Variants in NUP214 observed in about 807,000 individuals in gnomAD.
NUP214 encodes nuclear pore complex protein Nup214.
A neutral mutation model predicts 196.2 loss-of-function variants in NUP214; 79 were observed. The ratio of observed to expected loss-of-function variants is 0.40; its 90% confidence interval spans 0.34 to 0.49. NUP214 has a LOEUF of 0.49. NUP214 is among the 20% of genes least tolerant of loss of function. NUP214 has a pLI of 0.58. For missense variants in NUP214, 2,468 were observed against 2,539.0 expected, an observed-to-expected ratio of 0.97 and a Z score of 0.60; for synonymous variants, 1,020 against 990.5, an observed-to-expected ratio of 1.03 and a Z score of -0.56.
chr9:131,228,133 C>G, intron 32 of NUP214, 27 bp from the exon 33 acceptor site: 2 of 1,528,802 alleles, frequency 1.3e-6, no homozygotes, highest in Non-Finnish European at 1.8e-6. Flanking sequence ...CTCCCTATTT[C>G]TGTTTGTTTG....
rs147780952 is a variant in NUP214, at chr9:131,154,350, A to G, written c.2436+2456A>G. Among the ~76,000 whole-genome samples, 12 of 152,130 alleles carry G rather than the reference A, an allele frequency of 7.9e-5. No individual in the cohort carries two copies. In the East Asian group the frequency reaches 1.7e-3, roughly 22 times the overall value. On this transcript the variant is annotated intron_variant, in intron 17 of 35. Coordinates refer to ENST00000359428, the MANE Select transcript of NUP214 (RefSeq NM_005085.4). ...TCCAAGCAGTGTACACTGTACCCCA[A>G]TGTGTAGTATTTTAGCCCTTACCGC...
At chr9:131,231,231 T>C (rs908814080) in intron 34 of NUP214, among the ~76,000 whole-genome samples, 2 of 152,132 alleles carry the variant, frequency 1.3e-5, no homozygotes, top group Non-Finnish European at 1.5e-5. Context: ...CTCGCTCTGT[T>C]GCCCAGGATG....
At chr9:131,176,166 CACAA>C (rs1007422257) in intron 23 of NUP214, among the ~76,000 whole-genome samples, 7 of 152,024 alleles carry the variant, frequency 4.6e-5, no homozygotes, top group African/African-American at 9.7e-5. Context: ...ACAAAACAAA[CACAA>C]ACAAACAAAA....
chr9:131,129,257 T>C, intron 3 of NUP214, 22 bp from the exon 4 acceptor site: 4 of 1,602,926 alleles, frequency 2.5e-6, no homozygotes, highest in Non-Finnish European at 3.4e-6. Context: ...CTTATTTCAC[T>C]TTTGCATATT....
intron 28 of NUP214, among the ~76,000 whole-genome samples, chr9:131,195,833 C>G (rs1833759573): frequency 6.6e-6 from 1 of 152,130 alleles, no homozygotes; most frequent in Non-Finnish European, 1.5e-5. Context: ...CAAGACCAGC[C>G]TGACCAACAT....
At chr9:131,189,198 G>A in intron 26 of NUP214, 67 bp downstream of exon 26, 1 of 1,261,620 alleles carries the variant, frequency 7.9e-7, no homozygotes, top group Non-Finnish European at 1.2e-6. Flanking sequence ...TATTGTTCTG[G>A]ATCACTGAGA....
At chr9:131,200,737 G>C (rs1833917576) in intron 29 of NUP214, among the ~76,000 whole-genome samples, 1 of 151,900 alleles carries the variant, frequency 6.6e-6, no homozygotes, top group Non-Finnish European at 1.5e-5. Flanking sequence ...AACGAGAGTA[G>C]AACTCCTGCC....
intron 5 of NUP214, 37 bp downstream of exon 5, chr9:131,130,873 G>A: frequency 6.3e-7 from 1 of 1,578,128 alleles, no homozygotes; most frequent in Non-Finnish European, 8.7e-7. Flanking sequence ...TTTTTCTTAA[G>A]TTGCCCACTT....
At chr9:131,214,943 A>G (rs746130222) in intron 30 of NUP214, among the ~76,000 whole-genome samples, 38 of 152,202 alleles carry the variant, frequency 2.5e-4, no homozygotes, top group Non-Finnish European at 4.3e-4. Flanking sequence ...CACTGCGGGC[A>G]GTGTAGCAGA....
At chr9:131,217,834 G>A (rs963517728) in intron 31 of NUP214, among the ~76,000 whole-genome samples, 1 of 152,226 alleles carries the variant, frequency 6.6e-6, no homozygotes, top group African/African-American at 2.4e-5. Context: ...GACTGTCAAG[G>A]AGTTGCCTTC....
In NUP214 at chr9:131,197,362, G is replaced by T; in HGVS notation, c.3868G>T (p.Ala1290Ser). Residue 1290 changes from alanine (A) to serine (S), a missense_variant, in exon 29 of 36, where the codon GCA becomes TCA. Transcript: ENST00000359428. ...AAACACCACCCCAGGAGAACCTGCC[G>T]CATCTAGCAGCAGACCTGTGGCACC... ...ASNTTPGEPA[A>S]SSSRPVAPSG... The T allele has an allele frequency of 1.9e-6, 3 of 1,614,130 alleles. No homozygotes were observed. Among genetic ancestry groups the T allele is most frequent in the South Asian group, 2.2e-5 (2 of 91,084 alleles).
chr9:131,190,027 A>C (rs1833554985), intron 26 of NUP214: 1 of 174,532 alleles, frequency 5.7e-6, no homozygotes, highest in Admixed American at 6.3e-5. Flanking sequence ...CTGTAATCCC[A>C]AACTTTCTGA....
chr9:131,228,107 G>A (rs532373411), intron 32 of NUP214, 53 bp from the exon 33 acceptor site: 3 of 1,468,476 alleles, frequency 2.0e-6, no homozygotes, highest in Admixed American at 5.2e-5. Context: ...TTCTCTTCCT[G>A]TCTCCTCCTT....
In NUP214 at chr9:131,198,779, C is replaced by T. The variant is rs772115139; in HGVS notation, c.5285C>T (p.Ser1762Phe). 2.5e-6 allele frequency: 4 copies of T among 1,614,264 alleles called. No individual in the cohort carries two copies. The highest frequency in any genetic ancestry group is 1.7e-5 in the Admixed American group (1 of 60,034). Residue 1762 changes from serine to phenylalanine, a missense_variant, in exon 29 of 36, where the codon TCC (serine) becomes TTC (phenylalanine). Around this residue, in one of 5 missense-constraint regions of NUP214, gnomAD observed 1,801 missense variants for 1,779.4 expected, o/e 1.01. Coordinates refer to ENST00000359428, the MANE Select transcript of NUP214 (RefSeq NM_005085.4). ...SVPAFGQPAS[S>F]TPTSTSGSVF... ...CCTGCCTTCGGTCAGCCTGCTTCCT[C>T]CACTCCCACATCCACCAGTGGAAGT...
intron 24 of NUP214, among the ~76,000 whole-genome samples, chr9:131,179,115 G>A (rs966037531): frequency 6.6e-6 from 1 of 152,084 alleles, no homozygotes; most frequent in Non-Finnish European, 1.5e-5. Flanking sequence ...TCCCATATCT[G>A]CCTCCCAAGT....
rs1255764896 is a variant in NUP214, at chr9:131,233,884, C to T, written c.*397C>T. ...GTGCCGTGGTCTCACTTGGACCTAG[C>T]GCCCTCCACATAGGGAAGAGGTTGA... On this transcript the variant is annotated 3_prime_UTR_variant, in exon 36 of 36. Transcript: ENST00000359428. 2.1e-5 allele frequency: 7 copies of T among 327,834 alleles called. No individual in the cohort carries two copies. The highest frequency in any genetic ancestry group is 9.3e-5 in the Admixed American group (2 of 21,518). 20.3% of individuals were successfully genotyped at this position (327,834 alleles called of 1,614,324 possible).
chr9:131,173,966 A>AT (rs878908783), intron 21 of NUP214, 89 bp from the exon 22 acceptor site: 23,225 of 1,119,616 alleles, frequency 0.021, no homozygotes, highest in Non-Finnish European at 0.024. Flanking sequence ...CAAGTTGAGT[A>AT]TTTTTTTTTT....
rs996663552 is a variant in NUP214, at chr9:131,146,463, G to T, written c.1945+159G>T. 6.6e-6 allele frequency among the ~76,000 whole-genome samples: 1 copy of T among 152,178 alleles called. No individual in the cohort carries two copies. The highest frequency in any genetic ancestry group is 6.5e-5 in the Admixed American group (1 of 15,278). ...TAATGTGCTGTGATTTTCATACTCTGAATTGGGAGATTTGCTCTTGCTTAA... is the reference window on the plus strand; with the variant it reads ...TAATGTGCTGTGATTTTCATACTCTTAATTGGGAGATTTGCTCTTGCTTAA... On this transcript the variant is annotated intron_variant, in intron 13 of 35. Coordinates refer to ENST00000359428, the MANE Select transcript of NUP214 (RefSeq NM_005085.4). The surrounding 1 kb of genome is among the most constrained non-coding windows in gnomAD (Gnocchi z 4.6).
chr9:131,192,941 C>CAAAAAAA (rs34653431), intron 27 of NUP214, among the ~76,000 whole-genome samples: 1 of 31,036 alleles, frequency 3.2e-5, no homozygotes, highest in African/African-American at 1.2e-4. Context: ...ACCCCGTCTC[C>CAAAAAAA]AAAAAAAAAA....
Sources: gnomAD v4.1 joint callset for allele counts (sites outside exome capture counted in the v4.1 genomes callset) on GRCh38, gnomAD v4.1.1 for gene constraint, gnomAD v4.1.1 regional missense constraint, Gnocchi (gnomAD v3.1) non-coding constraint, MANE v1.5 for transcripts, NCBI Gene and HGNC (gene_info 2026-07-23, HGNC 2026-07-21) for gene names.